Variants in SLC2A13 observed in about 807,000 individuals in gnomAD.
SLC2A13 encodes the protein solute carrier family 2 member 13, also known as proton myo-inositol cotransporter.
A neutral mutation model predicts 64.4 loss-of-function variants in SLC2A13; 32 were observed. The observed-to-expected ratio is 0.50, with a 90% CI of 0.37 to 0.67. SLC2A13 has a LOEUF of 0.67. Among genes scored for constraint, SLC2A13 ranks in the 30% least tolerant of loss-of-function variants. The pLI is 0.00. For synonymous variants in SLC2A13, 338 were observed against 327.1 expected (o/e 1.03, Z -0.36); for missense variants, 743 against 829.2 (o/e 0.90, Z 1.28).
intron 3 of SLC2A13, among the ~76,000 whole-genome samples, chr12:39,976,028 C>T (rs1946751561): frequency 6.6e-6 from 1 of 152,126 alleles, no homozygotes; most frequent in Admixed American, 6.5e-5. Flanking sequence ...ATACGTGAAA[C>T]ACAGAGGAGG....
intron 3 of SLC2A13, among the ~76,000 whole-genome samples, chr12:40,011,758 CAGAGAAGTA>C (rs1473968369): frequency 2.0e-5 from 3 of 152,224 alleles, no homozygotes; most frequent in African/African-American, 7.2e-5. Context: ...CTCTGAAATT[CAGAGAAGTA>C]AGCTGTGAAC....
At chr12:39,997,518 C>T (rs955486833) in intron 3 of SLC2A13, among the ~76,000 whole-genome samples, 5 of 152,098 alleles carry the variant, frequency 3.3e-5, no homozygotes, top group African/African-American at 1.2e-4. Flanking sequence ...AGTGTGATAC[C>T]ACCTTACTCC....
At chr12:39,802,097 G>A (rs1941811673) in intron 7 of SLC2A13, among the ~76,000 whole-genome samples, 2 of 152,176 alleles carry the variant, frequency 1.3e-5, no homozygotes, top group African/African-American at 2.4e-5. Flanking sequence ...GCAGTTGATG[G>A]GCTGGTCAGG....
chr12:40,061,862 C>T (rs939426987), intron 1 of SLC2A13, among the ~76,000 whole-genome samples: 5 of 150,806 alleles, frequency 3.3e-5, no homozygotes, highest in Admixed American at 3.3e-4. Flanking sequence ...GGACAATGGG[C>T]CAAGATTAGT....
At position 39,810,217 on chromosome 12, in the gene SLC2A13, G is replaced by A. The variant is rs150157350; in HGVS notation, c.1445+19886C>T. On this transcript the variant is annotated intron_variant, in intron 7 of 9. Coordinates refer to ENST00000280871, the MANE Select transcript of SLC2A13 (RefSeq NM_052885.4). ...AGTTAGATCTTCTTTAATTTCACTCGGTAATATTTTATAGTGTTCAGTGTA... is the reference window on the plus strand; with the variant it reads ...AGTTAGATCTTCTTTAATTTCACTCAGTAATATTTTATAGTGTTCAGTGTA... 3.4e-3 allele frequency among the ~76,000 whole-genome samples: 523 copies of A among 152,082 alleles called. 3 individuals are homozygous for A. The highest frequency in any genetic ancestry group is 0.012 in the African/African-American group (494 of 41,486).
At chr12:39,790,303 C>G (rs1025095346) in intron 7 of SLC2A13, among the ~76,000 whole-genome samples, 1 of 150,966 alleles carries the variant, frequency 6.6e-6, no homozygotes, top group African/African-American at 2.4e-5. Flanking sequence ...ATGTGCTGTG[C>G]TGGTGCGCTG....
chr12:39,846,505 G>A (rs1169295984), intron 6 of SLC2A13, among the ~76,000 whole-genome samples: 1 of 152,162 alleles, frequency 6.6e-6, no homozygotes, highest in Non-Finnish European at 1.5e-5. Flanking sequence ...CAGGGTGGGT[G>A]CAGTGGTGCA....
chr12:39,884,743 G>A (rs1944429452), intron 4 of SLC2A13, among the ~76,000 whole-genome samples: 1 of 152,148 alleles, frequency 6.6e-6, no homozygotes, highest in African/African-American at 2.4e-5. Flanking sequence ...AGGCAGCGAT[G>A]AGCTCCACCT....
rs1207621343 is a variant in SLC2A13 at position 39,756,976 on chromosome 12, T to G, written c.*3050A>C. The G allele has an allele frequency of 6.6e-6, 1 of 151,606 alleles. No individual in the cohort carries two copies. Among genetic ancestry groups the G allele is most frequent in the African/African-American group, 2.4e-5 (1 of 41,414 alleles). The allele number at this position is 151,606 out of a possible 1,614,324, so 9.4% of individuals were successfully genotyped here. ...ACATTACCTTTTATTATTTATTATT[T>G]AAATATTTTACATATATTAAAAATA... On this transcript the variant is annotated 3_prime_UTR_variant, in exon 10 of 10. Transcript: ENST00000280871.
At chr12:39,999,603 T>G (rs1947291354) in intron 3 of SLC2A13, among the ~76,000 whole-genome samples, 1 of 152,128 alleles carries the variant, frequency 6.6e-6, no homozygotes, top group South Asian at 2.1e-4. Flanking sequence ...TCAAACCCTG[T>G]TTTCTGTTGT....
At chr12:39,967,207 C>CT (rs933085911) in intron 3 of SLC2A13, among the ~76,000 whole-genome samples, 4 of 152,114 alleles carry the variant, frequency 2.6e-5, no homozygotes, top group African/African-American at 9.7e-5. Flanking sequence ...TAAAATAAAA[C>CT]TTGTTTCTAC....
At chr12:40,081,127 C>G (rs1938382962) in intron 1 of SLC2A13, among the ~76,000 whole-genome samples, 1 of 152,082 alleles carries the variant, frequency 6.6e-6, no homozygotes, top group South Asian at 2.1e-4. Flanking sequence ...TTTGATCTGC[C>G]TTTAATATTT....
At chr12:39,986,551 T>G (rs1947035008) in intron 3 of SLC2A13, among the ~76,000 whole-genome samples, 1 of 151,972 alleles carries the variant, frequency 6.6e-6, no homozygotes, top group Non-Finnish European at 1.5e-5. Context: ...GCACACAAAA[T>G]ACAATTTTGA....
chr12:40,000,107 G>A (rs906661861), intron 3 of SLC2A13, among the ~76,000 whole-genome samples: 1 of 152,130 alleles, frequency 6.6e-6, no homozygotes, highest in Non-Finnish European at 1.5e-5. Flanking sequence ...CCCTGCACAA[G>A]CTCTCTTTGC....
At chr12:40,027,902 T>A (rs1947842662) in intron 3 of SLC2A13, among the ~76,000 whole-genome samples, 1 of 152,186 alleles carries the variant, frequency 6.6e-6, no homozygotes, top group Non-Finnish European at 1.5e-5. Context: ...AACATGAGAC[T>A]TTTCTTGGTT....
At chr12:39,988,691 G>GAGGGAGGAAGGAAGGAAGGAAGGA (rs1329267650) in intron 3 of SLC2A13, among the ~76,000 whole-genome samples, 1 of 79,962 alleles carries the variant, frequency 1.3e-5, no homozygotes, top group Non-Finnish European at 2.5e-5. Flanking sequence ...GGGAGGGAGG[G>GAGGGAGGAAGGAAGGAAGGAAGGA]AGGAAGGAAG....
chr12:39,926,821 C>T (rs1156523990), intron 4 of SLC2A13, among the ~76,000 whole-genome samples: 1 of 152,036 alleles, frequency 6.6e-6, no homozygotes, highest in African/African-American at 2.4e-5. Flanking sequence ...CCCTTTGTTG[C>T]CCAGGCTGGT....
intron 3 of SLC2A13, among the ~76,000 whole-genome samples, chr12:40,019,681 G>A (rs1947681275): frequency 6.6e-6 from 1 of 152,140 alleles, no homozygotes; most frequent in East Asian, 1.9e-4. Context: ...CACACTAGTT[G>A]CCCCTCCCCT....
At chr12:39,785,124 G>T (rs1478051343) in intron 7 of SLC2A13, among the ~76,000 whole-genome samples, 1 of 152,188 alleles carries the variant, frequency 6.6e-6, no homozygotes, top group Non-Finnish European at 1.5e-5. Flanking sequence ...GAATCCCCAA[G>T]ACCATGGGGA....
Sources: gnomAD v4.1 joint callset for allele counts (sites outside exome capture counted in the v4.1 genomes callset) on GRCh38, gnomAD v4.1.1 for gene constraint, MANE v1.5 for transcripts, NCBI Gene and HGNC (gene_info 2026-07-23, HGNC 2026-07-21) for gene names.